CHID1: variants seen among roughly 807,000 people sequenced by gnomAD.
The protein encoded by CHID1 is chitinase domain containing 1.
CHID1 carries 44 observed loss-of-function variants against 55.4 expected under a neutral mutation model. The ratio of observed to expected loss-of-function variants is 0.79; its 90% CI spans 0.62 to 1.02. The LOEUF (loss-of-function observed/expected upper bound fraction) is 1.02, where lower values mean the gene tolerates loss of function less well. Ranked by LOEUF, CHID1 falls within the 50% of genes least tolerant of loss-of-function variation. CHID1 has a pLI of 0.00. For missense variants in CHID1, 491 were observed against 515.3 expected, an observed-to-expected ratio of 0.95 and a Z score of 0.46; for synonymous variants, 216 against 212.9, an observed-to-expected ratio of 1.01 and a Z score of -0.13.
chr11:876,622 C>T (rs1849535779), intron 10 of CHID1, among the ~76,000 whole-genome samples: 1 of 152,222 alleles, frequency 6.6e-6, no homozygotes, highest in African/African-American at 2.4e-5. Context: ...TTGCCAGTGT[C>T]CTCCTTGGAC....
intron 10 of CHID1, among the ~76,000 whole-genome samples, chr11:878,537 T>C (rs1350253109): frequency 6.6e-6 from 1 of 151,578 alleles, no homozygotes; most frequent in African/African-American, 2.4e-5. Flanking sequence ...CACTCCAGCC[T>C]GGGCAACAAG....
intron 7 of CHID1, among the ~76,000 whole-genome samples, chr11:895,037 C>T (rs972942102): frequency 6.6e-6 from 1 of 152,208 alleles, no homozygotes; most frequent in African/African-American, 2.4e-5. Flanking sequence ...GTGTCCACAA[C>T]TCTATGGGTA....
At chr11:885,597 T>C (rs753652743) in intron 8 of CHID1, among the ~76,000 whole-genome samples, 7 of 152,212 alleles carry the variant, frequency 4.6e-5, no homozygotes, top group Admixed American at 1.3e-4. Flanking sequence ...CCTCAGTGCC[T>C]GGGCCCTTCT....
chr11:884,416 C>CAG (rs1487414847), intron 8 of CHID1, among the ~76,000 whole-genome samples: 2 of 152,194 alleles, frequency 1.3e-5, no homozygotes. Context: ...CTGAGAATGA[C>CAG]AGACCTAATG....
chr11:914,565 G>A (rs1449663419), upstream of CHID1: 25 of 1,289,288 alleles, frequency 1.9e-5, no homozygotes, highest in Non-Finnish European at 2.4e-5. Flanking sequence ...GCCTCTCACA[G>A]ACATCCTCAA....
chr11:898,591 T>C (rs1014777388), intron 7 of CHID1, among the ~76,000 whole-genome samples: 1 of 152,208 alleles, frequency 6.6e-6, no homozygotes, highest in Admixed American at 6.5e-5. Context: ...GTCGCCCACT[T>C]TGGCAGAACA....
intron 1 of CHID1, 142 bp downstream of exon 1, chr11:910,633 T>C (rs923870194): frequency 5.0e-5 from 63 of 1,265,020 alleles, no homozygotes; most frequent in Non-Finnish European, 6.2e-5. Context: ...TTGCTCTCTC[T>C]CACGCACCCG....
chr11:905,767 C>T (rs1005494521), intron 1 of CHID1, among the ~76,000 whole-genome samples: 7 of 151,948 alleles, frequency 4.6e-5, no homozygotes, highest in African/African-American at 1.7e-4. Context: ...AATATAGCTA[C>T]CTATTTATGC....
chr11:902,407 C>A, intron 3 of CHID1, 77 bp from the exon 4 acceptor site: 6 of 1,543,670 alleles, frequency 3.9e-6, no homozygotes, highest in Non-Finnish European at 5.3e-6. Flanking sequence ...CATTCTGGCG[C>A]CTCTGGACGT....
upstream of CHID1, chr11:914,721 C>CA (rs367978475): frequency 0.03 from 8,467 of 281,354 alleles, 1 homozygote; most frequent in South Asian, 0.05. Context: ...GACCCTGTCT[C>CA]AAAAAAAAAA....
At chr11:877,344 C>T (rs939345923) in intron 10 of CHID1, among the ~76,000 whole-genome samples, 2 of 152,234 alleles carry the variant, frequency 1.3e-5, no homozygotes, top group African/African-American at 4.8e-5. Context: ...TCCACCTCCA[C>T]AGCTCAGGCA....
rs556057155 is a variant in CHID1, at chr11:910,116, G to C, written c.-44+659C>G. Among the ~76,000 whole-genome samples, 4 of 152,200 alleles carry C rather than the reference G, an allele frequency of 2.6e-5. No homozygotes were observed. The East Asian group carries it at 7.7e-4, about 29-fold the overall frequency. Reference sequence around the variant, plus strand: ...TGGCGCACACCTGTAGTCCCAAGTAGCTAGGAGGCTAAGAGATTACTAGAG... The same window carrying C: ...TGGCGCACACCTGTAGTCCCAAGTACCTAGGAGGCTAAGAGATTACTAGAG... On this transcript the variant is annotated intron_variant, in intron 1 of 12. Coordinates refer to ENST00000323578, the MANE Select transcript of CHID1 (RefSeq NM_023947.4).
upstream of CHID1, chr11:911,549 C>G (rs1006650697): frequency 1.3e-5 from 2 of 152,196 alleles, no homozygotes; most frequent in Non-Finnish European, 2.9e-5. Context: ...CCGGGCCCCA[C>G]CCTGCCCCGC....
rs550557595 is a variant in CHID1 at position 891,331 on chromosome 11, C to T, written c.701+2096G>A. Among the ~76,000 whole-genome samples the T allele has an allele frequency of 2.0e-3, 308 of 152,330 alleles. 2 individuals are homozygous for T. In the Middle Eastern group the frequency reaches 0.027, roughly 13 times the overall value. ...TCGGCCCCGCCCCCAGCCTCGTCAC[C>T]GTGCCCGTAGCCCTGGCGTGCATCC... On this transcript the variant is annotated intron_variant, in intron 8 of 12. Coordinates refer to ENST00000323578, the MANE Select transcript of CHID1 (RefSeq NM_023947.4).
At chr11:912,044 C>G (rs994830416), upstream of CHID1, among the ~76,000 whole-genome samples, 7 of 152,246 alleles carry the variant, frequency 4.6e-5, no homozygotes, top group African/African-American at 1.7e-4. Flanking sequence ...ATTGCAGAAT[C>G]GATCGGGCAG....
chr11:900,677 A>C (rs1234199277), intron 5 of CHID1, among the ~76,000 whole-genome samples: 4 of 152,130 alleles, frequency 2.6e-5, no homozygotes, highest in African/African-American at 9.7e-5. Context: ...GATTGAGAAC[A>C]ATTAGGGCAA....
intron 2 of CHID1, 85 bp from the exon 3 acceptor site, chr11:903,196 T>G (rs1851951788): frequency 7.1e-7 from 1 of 1,402,566 alleles, no homozygotes; most frequent in South Asian, 1.2e-5. Flanking sequence ...TCCCTTCCAT[T>G]CAGCCAGCAG....
chr11:912,129 C>G (rs933518328), upstream of CHID1, among the ~76,000 whole-genome samples: 2 of 152,134 alleles, frequency 1.3e-5, no homozygotes, highest in African/African-American at 4.8e-5. Context: ...CGACACCAGC[C>G]TGGCCAACAT....
chr11:896,901 C>G (rs956457309), intron 7 of CHID1, among the ~76,000 whole-genome samples: 34 of 101,382 alleles, frequency 3.4e-4, no homozygotes, highest in Admixed American at 5.7e-4. Flanking sequence ...CTCAGCACCC[C>G]CAGCCTCCAC....
Sources: allele counts gnomAD v4.1 joint callset (sites outside exome capture counted in the v4.1 genomes callset), GRCh38; gene constraint gnomAD v4.1.1; transcripts MANE v1.5; gene names NCBI Gene and HGNC (gene_info 2026-07-23, HGNC 2026-07-21).